LNX1: variants seen among roughly 807,000 people sequenced by gnomAD.
LNX1 encodes the protein E3 ubiquitin-protein ligase LNX.
In LNX1, 54 loss-of-function variants were observed where a neutral mutation model predicts 68.4. That is an observed-to-expected ratio of 0.79 (90% confidence interval 0.63 to 0.99). The LOEUF (loss-of-function observed/expected upper bound fraction) is 0.99, where lower values mean the gene tolerates loss of function less well. Among genes scored for constraint, LNX1 ranks in the 50% least tolerant of loss-of-function variants. LNX1 has a pLI of 0.00. For synonymous variants in LNX1, 336 were observed against 350.0 expected (o/e 0.96, Z 0.45); for missense variants, 906 against 926.4 (o/e 0.98, Z 0.29).
At chr4:53,575,057 C>G (rs1326172120) in intron 1 of LNX1, among the ~76,000 whole-genome samples, 1 of 151,984 alleles carries the variant, frequency 6.6e-6, no homozygotes, top group Non-Finnish European at 1.5e-5. Context: ...TCTCTGCTCA[C>G]TACAACTGCC....
rs187029183 is a variant in LNX1 at position 53,604,251 on chromosome 4, T to C, written c.-215+12266A>G. Among the ~76,000 whole-genome samples the C allele has an allele frequency of 4.6e-5, 7 of 152,304 alleles. 1 individual carries two copies. In the East Asian group the frequency reaches 1.4e-3, roughly 29 times the overall value. On this transcript the variant is annotated intron_variant, in intron 2 of 3. Transcript: ENST00000504299. ...CTAGAAATATATTAGCACCTAAAGC[T>C]TGTATATTCATTTATCACAAGCATA...
intron 2 of LNX1, among the ~76,000 whole-genome samples, chr4:53,555,511 G>A (rs1729847338): frequency 6.6e-6 from 1 of 152,034 alleles, no homozygotes; most frequent in Non-Finnish European, 1.5e-5. Context: ...CATCTGCCTT[G>A]AATCATTGCT....
At chr4:53,493,921 C>T (rs1381659050) in intron 6 of LNX1, among the ~76,000 whole-genome samples, 1 of 152,178 alleles carries the variant, frequency 6.6e-6, no homozygotes, top group African/African-American at 2.4e-5. Flanking sequence ...AGAATGCCCC[C>T]GTGGCTTTGC....
At chr4:53,543,629 T>C (rs1269088906) in intron 2 of LNX1, among the ~76,000 whole-genome samples, 1 of 152,138 alleles carries the variant, frequency 6.6e-6, no homozygotes, top group African/African-American at 2.4e-5. Context: ...TAATTTACTT[T>C]CACTGGACAA....
chr4:53,506,302 C>A (rs1039313885), intron 4 of LNX1, among the ~76,000 whole-genome samples: 7 of 152,198 alleles, frequency 4.6e-5, no homozygotes, highest in African/African-American at 1.4e-4. Flanking sequence ...TGACTTAAAA[C>A]ACTATGTGCA....
chr4:53,651,025 A>G (rs1735077520), intron 1 of LNX1, among the ~76,000 whole-genome samples: 1 of 152,182 alleles, frequency 6.6e-6, no homozygotes, highest in African/African-American at 2.4e-5. Flanking sequence ...CTCATTTTAC[A>G]TATTGGCAAG....
intron 2 of LNX1, among the ~76,000 whole-genome samples, chr4:53,568,749 A>T (rs1018891689): frequency 2.6e-5 from 4 of 152,030 alleles, no homozygotes; most frequent in Non-Finnish European, 5.9e-5. Flanking sequence ...ACATGATTGT[A>T]TATCTAGAAA....
chr4:53,535,331 C>A (rs748490423), intron 2 of LNX1, among the ~76,000 whole-genome samples: 1 of 152,162 alleles, frequency 6.6e-6, no homozygotes, highest in Non-Finnish European at 1.5e-5. Context: ...TAGTCATTAT[C>A]TTTCTCCTTG....
intron 1 of LNX1, among the ~76,000 whole-genome samples, chr4:53,646,548 A>G (rs1269801348): frequency 6.6e-6 from 1 of 152,180 alleles, no homozygotes; most frequent in African/African-American, 2.4e-5. Flanking sequence ...CCCAATCTAC[A>G]TTTTTTGCTG....
At chr4:53,535,139 CT>C (rs1216598732) in intron 2 of LNX1, among the ~76,000 whole-genome samples, 6 of 152,116 alleles carry the variant, frequency 3.9e-5, no homozygotes, top group African/African-American at 1.2e-4. Flanking sequence ...AAGGTTTAGA[CT>C]TTTTTAAGGA....
chr4:53,504,040 C>A (rs939101489), intron 4 of LNX1, among the ~76,000 whole-genome samples: 6 of 152,164 alleles, frequency 3.9e-5, no homozygotes, highest in Non-Finnish European at 5.9e-5. Flanking sequence ...GAGGCTGAGA[C>A]AAGAGAATCA....
chr4:53,550,056 T>G (rs1369230565), intron 2 of LNX1, among the ~76,000 whole-genome samples: 1 of 152,128 alleles, frequency 6.6e-6, no homozygotes, highest in Non-Finnish European at 1.5e-5. Flanking sequence ...AAAAAGAATT[T>G]GCTAATTCTC....
At chr4:53,484,188 G>C (rs1307673023) in intron 6 of LNX1, among the ~76,000 whole-genome samples, 2 of 152,150 alleles carry the variant, frequency 1.3e-5, no homozygotes, top group Non-Finnish European at 2.9e-5. Context: ...AAGCCACCTA[G>C]GATAGTGTAT....
intron 1 of LNX1, among the ~76,000 whole-genome samples, chr4:53,639,581 A>G (rs894435478): frequency 3.1e-4 from 47 of 152,356 alleles, no homozygotes; most frequent in African/African-American, 1.1e-3. Context: ...GGTGCAAACA[A>G]AGGCTCACAG....
chr4:53,535,878 C>T lies in LNX1; in HGVS notation c.381-27651G>A, dbSNP rs59761197. 7.9e-3 allele frequency among the ~76,000 whole-genome samples: 1,207 copies of T among 152,188 alleles called. 20 individuals carry two copies. The highest frequency in any genetic ancestry group is 0.028 in the African/African-American group (1,146 of 41,520). On this transcript the variant is annotated intron_variant, in intron 2 of 10. Transcript: ENST00000263925. ...ACTGTATGTCTACATTTGATATGAC[C>T]CCTGATAACTGTTGACAAAAGCACC...
At position 53,583,932 on chromosome 4, in the gene LNX1, A is replaced by AAACAAC. The variant is rs57272023; in HGVS notation, c.-87+7450_-87+7455dup. ...TGATGAAATAGAACTGACCCCCTGCAAACAACAACAACAACAACAACAACA... is the reference window on the plus strand; with the variant it reads ...TGATGAAATAGAACTGACCCCCTGCAAACAACAACAACAACAACAACAACAACAACA... On this transcript the variant is annotated intron_variant, in intron 1 of 10. Coordinates refer to ENST00000263925, the MANE Select transcript of LNX1 (RefSeq NM_001126328.3). Among the ~76,000 whole-genome samples, 498 of 149,872 alleles carry AAACAAC rather than the reference A, an allele frequency of 3.3e-3. 1 individual carries two copies. Among genetic ancestry groups the AAACAAC allele is most frequent in the East Asian group, 0.015 (76 of 5,048 alleles).
chr4:53,566,156 A>T (rs1406938354), intron 2 of LNX1, among the ~76,000 whole-genome samples: 1 of 152,086 alleles, frequency 6.6e-6, no homozygotes, highest in Admixed American at 6.5e-5. Context: ...AACGGCACAA[A>T]GATACTCCTG....
intron 6 of LNX1, among the ~76,000 whole-genome samples, chr4:53,491,117 A>C (rs1244242204): frequency 6.6e-6 from 1 of 152,218 alleles, no homozygotes; most frequent in African/African-American, 2.4e-5. Flanking sequence ...TCCAAATGAC[A>C]TGATGAGTAA....
At chr4:53,514,430 C>T (rs935822034) in intron 2 of LNX1, among the ~76,000 whole-genome samples, 1 of 152,180 alleles carries the variant, frequency 6.6e-6, no homozygotes, top group Non-Finnish European at 1.5e-5. Flanking sequence ...GGAGGCCTCA[C>T]AATCATGGCA....
Sources: gnomAD v4.1 joint callset for allele counts (sites outside exome capture counted in the v4.1 genomes callset) on GRCh38, gnomAD v4.1.1 for gene constraint, MANE v1.5 for transcripts, NCBI Gene and HGNC (gene_info 2026-07-23, HGNC 2026-07-21) for gene names.